Variants in KIFAP3 observed in about 807,000 individuals in gnomAD.
The protein encoded by KIFAP3 is kinesin associated protein 3.
A neutral mutation model predicts 106.5 loss-of-function variants in KIFAP3; 68 were observed. The observed-to-expected ratio is 0.64, with a 90% CI of 0.53 to 0.78. KIFAP3 has a LOEUF of 0.78. Ranked by LOEUF, KIFAP3 falls within the 30% of genes least tolerant of loss-of-function variation. KIFAP3 has a pLI of 0.00. For synonymous variants in KIFAP3, 320 were observed against 311.5 expected, an observed-to-expected ratio of 1.03 and a Z score of -0.29; for missense variants, 780 against 941.8, an observed-to-expected ratio of 0.83 and a Z score of 2.25.
At chr1:170,083,027 G>A (rs1163274897) in intron 1 of KIFAP3, among the ~76,000 whole-genome samples, 1 of 151,912 alleles carries the variant, frequency 6.6e-6, no homozygotes, top group Non-Finnish European at 1.5e-5. Flanking sequence ...AATATTAAGA[G>A]GAAATAATAC....
chr1:170,060,284 T>C (rs980085143), intron 1 of KIFAP3, among the ~76,000 whole-genome samples: 5 of 151,952 alleles, frequency 3.3e-5, no homozygotes, highest in African/African-American at 4.8e-5. Flanking sequence ...AGCCAAAAAA[T>C]CTCAAGCTGA....
At chr1:169,956,244 G>T (rs761071788) in intron 18 of KIFAP3, among the ~76,000 whole-genome samples, 1 of 151,872 alleles carries the variant, frequency 6.6e-6, no homozygotes, top group Non-Finnish European at 1.5e-5. Flanking sequence ...TTAACACTAA[G>T]AAATATTTCA....
At position 170,016,511 on chromosome 1, in the gene KIFAP3, C is replaced by G. The variant is rs768862776; in HGVS notation, c.1134G>C (p.Arg378Ser). The change falls in exon 10 of 20, where the codon AGG becomes AGC. Residue 378 changes from arginine (R) to serine (S), a missense_variant. Arg to Ser is a moderately radical substitution (Grantham distance 110). This residue lies in a region of KIFAP3 where 588 missense variants were observed against 678.9 expected (regional missense o/e 0.87). Transcript: ENST00000361580. ...GCAGTCCAACTTGTACCATCTTATT[C>G]CTCAGTCCTGTGTCAAAGGATAGGT... ...LLNLSFDTGLRNKMVQVGLLP... is the reference protein window; with the variant it reads ...LLNLSFDTGLSNKMVQVGLLP... 1.2e-6 allele frequency: 2 copies of G among 1,609,898 alleles called. No individual in the cohort carries two copies. Among genetic ancestry groups the G allele is most frequent in the Non-Finnish European group, 1.7e-6 (2 of 1,178,286 alleles).
At chr1:169,998,439 A>C (rs932183134) in intron 10 of KIFAP3, among the ~76,000 whole-genome samples, 2 of 148,688 alleles carry the variant, frequency 1.3e-5, no homozygotes, top group Non-Finnish European at 1.5e-5. Flanking sequence ...CACACACACC[A>C]CACACACTTT....
At chr1:169,930,063 T>C (rs952367073) in intron 19 of KIFAP3, among the ~76,000 whole-genome samples, 5 of 152,214 alleles carry the variant, frequency 3.3e-5, no homozygotes, top group Non-Finnish European at 1.5e-5. Context: ...TTCTTATACA[T>C]CTCAATCTGT....
At chr1:170,037,161 C>A (rs1393710828) in intron 5 of KIFAP3, among the ~76,000 whole-genome samples, 2 of 152,070 alleles carry the variant, frequency 1.3e-5, no homozygotes, top group African/African-American at 4.8e-5. Flanking sequence ...AACACTAAAA[C>A]AATTCCATGA....
intron 1 of KIFAP3, among the ~76,000 whole-genome samples, chr1:170,062,913 CT>C (rs1189133467): frequency 6.6e-6 from 1 of 151,696 alleles, no homozygotes; most frequent in Admixed American, 6.6e-5. Flanking sequence ...GCAATGTTAC[CT>C]CTTTGCAAAA....
At chr1:170,032,928 A>G (rs578208080) in intron 7 of KIFAP3, among the ~76,000 whole-genome samples, 56 of 151,862 alleles carry the variant, frequency 3.7e-4, no homozygotes, top group African/African-American at 1.3e-3. Flanking sequence ...CAGAAATACA[A>G]TATGTCCTAA....
At chr1:169,922,221 C>T (rs1012225600) in intron 19 of KIFAP3, among the ~76,000 whole-genome samples, 9 of 152,160 alleles carry the variant, frequency 5.9e-5, no homozygotes, top group African/African-American at 2.2e-4. Flanking sequence ...ACTAATTCCA[C>T]TTTTAGTAAA....
intron 9 of KIFAP3, among the ~76,000 whole-genome samples, chr1:170,017,642 T>C (rs757226954): frequency 3.3e-5 from 5 of 152,222 alleles, no homozygotes; most frequent in Non-Finnish European, 5.9e-5. Context: ...AGTTTAACTT[T>C]ATTACACAGG....
At chr1:170,035,601 T>G in intron 5 of KIFAP3, 48 bp from the exon 6 acceptor site, 84 of 1,176,846 alleles carry the variant, frequency 7.1e-5, no homozygotes, top group Middle Eastern at 2.0e-4. Context: ...CTTGCTCTGG[T>G]ATAAAGGGTG....
intron 1 of KIFAP3, among the ~76,000 whole-genome samples, chr1:170,073,265 T>G (rs1223597711): frequency 1.3e-5 from 2 of 152,230 alleles, no homozygotes; most frequent in Non-Finnish European, 2.9e-5. Context: ...TTAAAAATTT[T>G]TACTGACAAA....
At chr1:169,940,909 TTATGTG>T (rs1202911444) in intron 19 of KIFAP3, among the ~76,000 whole-genome samples, 40 of 113,346 alleles carry the variant, frequency 3.5e-4, no homozygotes, top group African/African-American at 1.3e-3. Flanking sequence ...TGTTTAAGAA[TTATGTG>T]TGTGTGTGTG....
intron 16 of KIFAP3, among the ~76,000 whole-genome samples, chr1:169,974,137 A>G (rs1334962320): frequency 6.6e-6 from 1 of 151,950 alleles, no homozygotes. Flanking sequence ...AAAGAAAAAA[A>G]ATGGGATGTA....
chr1:169,957,603 T>C (rs908517314), intron 18 of KIFAP3, among the ~76,000 whole-genome samples: 3 of 152,172 alleles, frequency 2.0e-5, no homozygotes, highest in African/African-American at 7.2e-5. Flanking sequence ...TCATATACTC[T>C]TACTGAAATA....
chr1:170,027,500 G>A (rs1361027030), intron 8 of KIFAP3, among the ~76,000 whole-genome samples: 1 of 152,058 alleles, frequency 6.6e-6, no homozygotes, highest in African/African-American at 2.4e-5. Context: ...TAGAGACAAG[G>A]GAGATATAAT....
At chr1:170,000,371 A>G (rs768985938) in intron 10 of KIFAP3, among the ~76,000 whole-genome samples, 13 of 152,160 alleles carry the variant, frequency 8.5e-5, no homozygotes, top group Non-Finnish European at 1.6e-4. Context: ...AAGCACACCT[A>G]TATTAGGATA....
chr1:170,060,513 G>A (rs1671088262), intron 1 of KIFAP3, among the ~76,000 whole-genome samples: 1 of 152,030 alleles, frequency 6.6e-6, no homozygotes, highest in Admixed American at 6.6e-5. Context: ...AATAAAAGAG[G>A]ACACAAACAA....
At chr1:169,931,071 C>A (rs1252037689) in intron 19 of KIFAP3, among the ~76,000 whole-genome samples, 1 of 151,926 alleles carries the variant, frequency 6.6e-6, no homozygotes, top group Non-Finnish European at 1.5e-5. Context: ...AGGCCCGTGC[C>A]ACAATGCCTG....
Sources: gnomAD v4.1 joint callset for allele counts (sites outside exome capture counted in the v4.1 genomes callset) on GRCh38, gnomAD v4.1.1 for gene constraint, gnomAD v4.1.1 regional missense constraint, MANE v1.5 for transcripts, NCBI Gene and HGNC (gene_info 2026-07-23, HGNC 2026-07-21) for gene names.